Variants in PAX3 observed in about 807,000 individuals in gnomAD.
PAX3 encodes paired box 3, also known as paired box protein Pax-3.
PAX3 carries 14 observed loss-of-function variants against 51.6 expected under a neutral mutation model. That is an observed-to-expected ratio of 0.27 (90% CI 0.18 to 0.42). The LOEUF (loss-of-function observed/expected upper bound fraction) is 0.42, where lower values mean the gene tolerates loss of function less well. Among genes scored for constraint, PAX3 ranks in the 10% least tolerant of loss-of-function variants. The pLI is 1.00. For synonymous variants in PAX3, 280 were observed against 253.4 expected, an observed-to-expected ratio of 1.11 and a Z score of -1.00; for missense variants, 540 against 642.8, an observed-to-expected ratio of 0.84 and a Z score of 1.73.
chr2:222,281,607 A>G (rs984529045), intron 4 of PAX3, among the ~76,000 whole-genome samples: 9 of 152,208 alleles, frequency 5.9e-5, no homozygotes, highest in African/African-American at 1.2e-4. Flanking sequence ...GTTTGTTGAG[A>G]ACATCACAGC....
chr2:222,224,079 T>C (rs566940445), intron 5 of PAX3, among the ~76,000 whole-genome samples: 3 of 151,938 alleles, frequency 2.0e-5, no homozygotes, highest in East Asian at 3.9e-4. Context: ...CCAAACAGAG[T>C]AAGAGTATAA....
intron 4 of PAX3, chr2:222,263,518 T>A (rs1693940047): frequency 6.6e-6 from 1 of 152,192 alleles, no homozygotes; most frequent in African/African-American, 2.4e-5. Flanking sequence ...TTTTGTGTAT[T>A]GCTGGTGGAA....
At chr2:222,250,438 C>T (rs1693385672) in intron 4 of PAX3, among the ~76,000 whole-genome samples, 1 of 152,006 alleles carries the variant, frequency 6.6e-6, no homozygotes, top group African/African-American at 2.4e-5. Flanking sequence ...AAATCAAATA[C>T]CACTAAAAAT....
rs1691573994 is a variant in PAX3 at position 222,207,913 on chromosome 2, T to A, written c.1174-5723A>T. Among the ~76,000 whole-genome samples, 10 of 152,134 alleles carry A rather than the reference T, an allele frequency of 6.6e-5. No individual in the cohort carries two copies. The South Asian group carries it at 2.1e-3, about 32-fold the overall frequency. ...TTTAAAAAACCATTGTGAATTATGA[T>A]TTTGTATGATATAAAGGGTTTTTCA... On this transcript the variant is annotated intron_variant, in intron 7 of 8. Transcript: ENST00000392070.
chr2:222,279,029 C>A (rs531690144), intron 4 of PAX3, among the ~76,000 whole-genome samples: 12 of 152,336 alleles, frequency 7.9e-5, no homozygotes, highest in African/African-American at 2.9e-4. Context: ...TGGCTCACTG[C>A]AACCTCTGCT....
rs946385971 is a variant in PAX3, at chr2:222,209,788, G to C, written c.1174-7598C>G. The stretch of plus-strand genomic sequence containing the variant: ...GCACCTTTAGTCCCAGCTACTGGGG[G>C]GCTAAGGTAAGAGAATCACCTGAGC... On this transcript the variant is annotated intron_variant, in intron 7 of 8. Coordinates refer to ENST00000392070, the MANE Select transcript of PAX3 (RefSeq NM_181458.4). Among the ~76,000 whole-genome samples the C allele has an allele frequency of 2.0e-5, 3 of 149,304 alleles. No individual in the cohort carries two copies. In the Admixed American group the frequency reaches 2.0e-4, roughly 10 times the overall value.
intron 4 of PAX3, among the ~76,000 whole-genome samples, chr2:222,272,717 T>C (rs953447927): frequency 3.3e-5 from 5 of 152,256 alleles, no homozygotes; most frequent in African/African-American, 1.2e-4. Flanking sequence ...CTCAGTTTCT[T>C]TGATAAAAGC....
intron 4 of PAX3, among the ~76,000 whole-genome samples, chr2:222,276,587 G>A (rs72962678): frequency 0.089 from 13,576 of 152,200 alleles, 871 homozygotes; most frequent in East Asian, 0.34. Context: ...GGGAGAGACC[G>A]TGGCCTTCAC....
chr2:222,298,575 G>T lies in PAX3; in HGVS notation c.41C>A (p.Pro14Gln). The change falls in exon 1 of 9, where the codon CCG becomes CAG. Residue 14 changes from proline to glutamine, a missense_variant. Physicochemically the swap from Pro to Gln is moderately conservative, Grantham distance 76 (BLOSUM62 -1). Transcript: ENST00000392070. ...ACGCGGGTAGTTCTGCCCCGGGCCC[G>T]GCCGCATCATCCTGGGCACAGCGCC... ...LAGAVPRMMRPGPGQNYPRSG... is the reference protein window; with the variant it reads ...LAGAVPRMMRQGPGQNYPRSG... 1 of 1,608,670 alleles carries T rather than the reference G, an allele frequency of 6.2e-7. No homozygotes were observed. Among genetic ancestry groups the T allele is most frequent in the Admixed American group, 1.7e-5 (1 of 59,536 alleles).
intron 4 of PAX3, among the ~76,000 whole-genome samples, chr2:222,249,238 A>T (rs1426118591): frequency 6.6e-6 from 1 of 152,188 alleles, no homozygotes; most frequent in Non-Finnish European, 1.5e-5. Context: ...TACAAAAAAT[A>T]AAAACATAAG....
At chr2:222,287,481 A>T (rs1021502947) in intron 4 of PAX3, 2 of 152,234 alleles carry the variant, frequency 1.3e-5, no homozygotes, top group Non-Finnish European at 2.9e-5. Flanking sequence ...ATCAGGCCCA[A>T]CTTGGAGCTG....
chr2:222,270,592 C>T (rs1487284865), intron 4 of PAX3, among the ~76,000 whole-genome samples: 2 of 152,124 alleles, frequency 1.3e-5, no homozygotes, highest in Non-Finnish European at 2.9e-5. Flanking sequence ...TTCAGAGTTG[C>T]CAAAATAGAG....
intron 4 of PAX3, among the ~76,000 whole-genome samples, chr2:222,288,202 A>C (rs1694904001): frequency 6.6e-6 from 1 of 152,248 alleles, no homozygotes; most frequent in African/African-American, 2.4e-5. Context: ...ATTCAAGGAA[A>C]TATTTCTCCT....
chr2:222,293,451 T>A (rs1574762310), intron 4 of PAX3, among the ~76,000 whole-genome samples: 1 of 152,062 alleles, frequency 6.6e-6, no homozygotes, highest in African/African-American at 2.4e-5. Context: ...TTTTTCTTAG[T>A]GCCGACAGTG....
At chr2:222,246,658 T>C (rs1693240807) in intron 4 of PAX3, among the ~76,000 whole-genome samples, 1 of 152,170 alleles carries the variant, frequency 6.6e-6, no homozygotes, top group Non-Finnish European at 1.5e-5. Context: ...CTTTGCTGTG[T>C]TTCTTCGCAT....
At chr2:222,268,418 G>A (rs541551033) in intron 4 of PAX3, among the ~76,000 whole-genome samples, 2 of 152,226 alleles carry the variant, frequency 1.3e-5, no homozygotes, top group South Asian at 4.2e-4. Context: ...CACACTAATA[G>A]AAAGCAATCA....
At chr2:222,253,027 G>A (rs975503080) in intron 4 of PAX3, among the ~76,000 whole-genome samples, 4 of 152,110 alleles carry the variant, frequency 2.6e-5, no homozygotes, top group Admixed American at 2.0e-4. Context: ...CCTATGCCCT[G>A]GTGACCCATA....
At chr2:222,260,331 G>A (rs913799277) in intron 4 of PAX3, among the ~76,000 whole-genome samples, 2 of 152,060 alleles carry the variant, frequency 1.3e-5, no homozygotes, top group African/African-American at 4.8e-5. Context: ...TCATGCCACT[G>A]CACTCCAGCC....
chr2:222,265,691 G>GGAAGGAAGGAAGGAAGGGAGAGAGA (rs1553583572), intron 4 of PAX3, among the ~76,000 whole-genome samples: 3 of 142,138 alleles, frequency 2.1e-5, no homozygotes, highest in Admixed American at 2.1e-4. Flanking sequence ...AGGAAGGAAG[G>GGAAGGAAGGAAGGAAGGGAGAGAGA]GAGAAAGATT....
Sources: gnomAD v4.1 joint callset for allele counts (sites outside exome capture counted in the v4.1 genomes callset) on GRCh38, gnomAD v4.1.1 for gene constraint, MANE v1.5 for transcripts, NCBI Gene and HGNC (gene_info 2026-07-23, HGNC 2026-07-21) for gene names.